A2M: variants seen among roughly 807,000 people sequenced by gnomAD.
The protein encoded by A2M is alpha-2-macroglobulin.
In A2M, 128 loss-of-function variants were observed where a neutral mutation model predicts 183.9. That is an observed-to-expected ratio of 0.70 (90% CI 0.60 to 0.81). The LOEUF (loss-of-function observed/expected upper bound fraction) is 0.81. Among genes scored for constraint, A2M ranks in the 30% least tolerant of loss-of-function variants. The pLI is 0.00. For synonymous variants in A2M, 592 were observed against 670.8 expected (o/e 0.88, Z 1.81); for missense variants, 1,495 against 1,787.6 (o/e 0.84, Z 2.95).
chr12:9,105,050 G>T (rs1938181101), intron 10 of A2M, among the ~76,000 whole-genome samples: 2 of 152,144 alleles, frequency 1.3e-5, no homozygotes, highest in African/African-American at 4.8e-5. Context: ...TTGAAAAGAG[G>T]CACACAGTAT....
At chr12:9,075,996 A>T (rs1948737993) in intron 28 of A2M, among the ~76,000 whole-genome samples, 1 of 152,194 alleles carries the variant, frequency 6.6e-6, no homozygotes, top group Non-Finnish European at 1.5e-5. Flanking sequence ...TTTAATGGAC[A>T]TCTTGTGATT....
At chr12:9,100,530 C>T (rs757833262) in intron 13 of A2M, among the ~76,000 whole-genome samples, 58 of 152,174 alleles carry the variant, frequency 3.8e-4, no homozygotes, top group African/African-American at 1.3e-3. Context: ...CCTCCCATCC[C>T]GTTCTCCCAA....
intron 8 of A2M, among the ~76,000 whole-genome samples, chr12:9,106,959 C>T (rs942619250): frequency 6.6e-5 from 10 of 152,088 alleles, no homozygotes; most frequent in South Asian, 2.1e-4. Context: ...GATCACATCG[C>T]GGGATTTAGG....
At chr12:9,095,415 C>A in intron 16 of A2M, 124 bp downstream of exon 16, 1 of 910,018 alleles carries the variant, frequency 1.1e-6, no homozygotes. Flanking sequence ...GTAGAGAAGC[C>A]ACTTACCTCT....
chr12:9,091,125 T>G, intron 19 of A2M, 76 bp downstream of exon 19: 1 of 1,497,908 alleles, frequency 6.7e-7, no homozygotes, highest in East Asian at 2.3e-5. Context: ...TACAAGAGTT[T>G]GCAGTATTCC....
intron 35 of A2M, 28 bp downstream of exon 35, chr12:9,068,155 G>A (rs1370621343): frequency 1.2e-6 from 2 of 1,611,948 alleles, no homozygotes. Flanking sequence ...AGCTCTGACT[G>A]CCTTTTGGAG....
chr12:9,101,658 C>T lies in A2M; in HGVS notation c.1283G>A (p.Arg428His), dbSNP rs61730080. Residue 428 changes from arginine (R) to histidine (H), a missense_variant, in exon 12 of 36, where the codon CGT becomes CAT. Physicochemically the swap from Arg to His is conservative, Grantham distance 29 (BLOSUM62 0). Coordinates refer to ENST00000318602, the MANE Select transcript of A2M (RefSeq NM_000014.6). ...CCACTGGTAGCCGTAACAGGGACTA[C>T]GATCCTTGTAATTGACCTAATGAAT... ...SLTVRVNYKD[R>H]SPCYGYQWVS... The T allele has an allele frequency of 4.7e-4, 760 of 1,612,478 alleles. 1 individual carries two copies. In the African/African-American group the frequency reaches 6.8e-3, roughly 14 times the overall value.
intron 21 of A2M, 62 bp downstream of exon 21, chr12:9,089,840 T>C: frequency 9.6e-7 from 1 of 1,045,890 alleles, no homozygotes; most frequent in Non-Finnish European, 1.3e-6. Context: ...ATCCATATAT[T>C]ATTATATTAC....
intron 7 of A2M, among the ~76,000 whole-genome samples, chr12:9,108,490 A>C (rs1182910031): frequency 6.6e-6 from 1 of 152,160 alleles, no homozygotes; most frequent in Non-Finnish European, 1.5e-5. Flanking sequence ...CTGGGTTTCC[A>C]AGTGCATTTG....
rs1451139586 is a variant in A2M at position 9,109,986 on chromosome 12, C to A, written c.554G>T (p.Gly185Val). ...GGGAAAAGAAAATTGCTTGAGGCCA[C>A]CCTCTAACTGGAAACTCTGCCATTG... ...IAQWQSFQLE[G>V]GLKQFSFPLS... is the part of the protein sequence containing the mutation. The change falls in exon 6 of 36, where the codon GGT (glycine) becomes GTT (valine). Residue 185 changes from glycine to valine, a missense_variant. By Grantham distance (109) the Gly-to-Val change is moderately radical. Transcript: ENST00000318602. 3.1e-6 allele frequency: 5 copies of A among 1,613,668 alleles called. No homozygotes were observed. In the Admixed American group the frequency reaches 5.0e-5, roughly 16 times the overall value.
intron 35 of A2M, 68 bp downstream of exon 35, chr12:9,068,115 A>C: frequency 2.0e-6 from 3 of 1,527,530 alleles, no homozygotes; most frequent in Non-Finnish European, 2.7e-6. Flanking sequence ...GCGTTTTATG[A>C]AGGAGAAGGT....
Position 9,095,558 on chromosome 12 carries a change from T to A in A2M, c.1994A>T (p.Asp665Val), listed in dbSNP as rs1251345626. 1 of 1,612,552 alleles carries A rather than the reference T, an allele frequency of 6.2e-7. No homozygotes were observed. The highest frequency in any genetic ancestry group is 8.5e-7 in the Non-Finnish European group (1 of 1,178,852). Residue 665 changes from aspartate to valine, a missense_variant, in exon 16 of 36, where the codon GAT becomes GTT. Physicochemically the swap from Asp to Val is radical, Grantham distance 152 (BLOSUM62 -3). Coordinates refer to ENST00000318602, the MANE Select transcript of A2M (RefSeq NM_000014.6). The part of the protein sequence containing the change: ...YTPVSSTNEK[D>V]MYSFLEDMGL... ...GTTTACCTCTAGGAAGCTGTACATA[T>A]CCTTTTCATTTGTACTTGATACTGG...
At position 9,106,276 on chromosome 12, in the gene A2M, A is replaced by G; in HGVS notation, c.1064T>C (p.Val355Ala). ...AATTCCCTGTCGAAAGTGTGAGTCC[A>G]CTTTCACAAATGAGAGTTTGGTTAT... is the stretch of plus-strand genomic sequence containing the variant. The part of the protein sequence containing the change: ...RTITKLSFVK[V>A]DSHFRQGIPF... The change falls in exon 10 of 36, where the codon GTG becomes GCG. Residue 355 changes from valine (V) to alanine (A), a missense_variant. Transcript: ENST00000318602. 1 of 1,613,534 alleles carries G rather than the reference A, an allele frequency of 6.2e-7. No homozygotes were observed. Among genetic ancestry groups the G allele is most frequent in the Non-Finnish European group, 8.5e-7 (1 of 1,179,478 alleles).
intron 22 of A2M, among the ~76,000 whole-genome samples, chr12:9,082,149 C>T (rs1218314175): frequency 6.6e-6 from 1 of 152,218 alleles, no homozygotes; most frequent in East Asian, 1.9e-4. Context: ...GCCAAAACCT[C>T]ACTCCATGGC....
Position 9,112,484 on chromosome 12 carries a change from T to C in A2M, c.323A>G (p.Lys108Arg). 6.2e-7 allele frequency: 1 copy of C among 1,613,856 alleles called. No homozygotes were observed. Among genetic ancestry groups the C allele is most frequent in the African/African-American group, 1.3e-5 (1 of 75,044 alleles). Residue 108 changes from lysine (K) to arginine (R), a missense_variant, in exon 3 of 36, where the codon AAA becomes AGA. By Grantham distance (26) the Lys-to-Arg change is conservative. Coordinates refer to ENST00000318602, the MANE Select transcript of A2M (RefSeq NM_000014.6). The part of the protein sequence containing the change: ...EEVMFLTVQV[K>R]GPTQEFKKRT... ...CTTCTTAAATTCTTGGGTTGGTCCT[T>C]TCACTTGGACAGTGAGGAACATTAC...
Position 9,077,413 on chromosome 12 carries a change from A to C in A2M, c.3284T>G (p.Val1095Gly). ...SLLNNAIKGG[V>G]EDEVTLSAYI... ...GGCGGAGAGGGTCACTTCATCTTCT[A>C]CTCCTCCCTGTGAATACGAGAGAGA... Residue 1095 changes from valine (V) to glycine (G), a missense_variant, in exon 27 of 36, where the codon GTA (valine) becomes GGA (glycine). Coordinates refer to ENST00000318602, the MANE Select transcript of A2M (RefSeq NM_000014.6). The C allele has an allele frequency of 6.2e-7, 1 of 1,612,498 alleles. No individual in the cohort carries two copies. Among genetic ancestry groups the C allele is most frequent in the South Asian group, 1.1e-5 (1 of 90,692 alleles).
At position 9,099,426 on chromosome 12, in the gene A2M, A is replaced by G; in HGVS notation, c.1656T>C (p.Ile552=). ...IYAVLPTGDV[I]GDSAKYDVEN... ...CAACATCATATTTTGCAGAATCCCCAATCACGTCCCCGGTAGGTAAAACAG... is the reference window on the plus strand; with the variant it reads ...CAACATCATATTTTGCAGAATCCCCGATCACGTCCCCGGTAGGTAAAACAG... Residue 552 remains isoleucine (I), a synonymous_variant, in exon 14 of 36, where the codon ATT becomes ATC. Transcript: ENST00000318602. The G allele has an allele frequency of 6.3e-7, 1 of 1,586,296 alleles. No individual in the cohort carries two copies.
intron 1 of A2M, chr12:9,115,052 T>C (rs1939020501): frequency 6.6e-6 from 1 of 152,240 alleles, no homozygotes; most frequent in Non-Finnish European, 1.5e-5. Context: ...TGTGTAGCTA[T>C]AAGTGCTAAG....
chr12:9,075,789 T>C (rs1454760387), intron 28 of A2M, among the ~76,000 whole-genome samples: 1 of 152,232 alleles, frequency 6.6e-6, no homozygotes, highest in Non-Finnish European at 1.5e-5. Context: ...TTCAGGATAA[T>C]GATTGCCTCT....
Sources: gnomAD v4.1 joint callset for allele counts (sites outside exome capture counted in the v4.1 genomes callset) on GRCh38, gnomAD v4.1.1 for gene constraint, MANE v1.5 for transcripts, NCBI Gene and HGNC (gene_info 2026-07-23, HGNC 2026-07-21) for gene names.